The following PARD3B variants were observed in gnomAD, a reference collection of about 807,000 sequenced individuals.
The protein encoded by PARD3B is par-3 family cell polarity regulator beta.
A neutral mutation model predicts 130.2 loss-of-function variants in PARD3B; 103 were observed. The observed-to-expected ratio is 0.79, with a 90% CI of 0.67 to 0.93. PARD3B has a LOEUF of 0.93. Ranked by LOEUF, PARD3B falls within the 40% of genes least tolerant of loss-of-function variation. The pLI, the probability that PARD3B is intolerant of heterozygous loss-of-function variation, is 0.00. For missense variants in PARD3B, 1,609 were observed against 1,499.2 expected, an observed-to-expected ratio of 1.07 and a Z score of -1.21; for synonymous variants, 583 against 553.2, an observed-to-expected ratio of 1.05 and a Z score of -0.76.
chr2:205,037,325 A>T (rs62647517), intron 3 of PARD3B, among the ~76,000 whole-genome samples: 2,185 of 85,484 alleles, frequency 0.026, 22 homozygotes, highest in South Asian at 0.085. Context: ...ATAGTGGACT[A>T]TTTGTATAAA....
intron 20 of PARD3B, among the ~76,000 whole-genome samples, chr2:205,477,274 T>C (rs2049056798): frequency 1.3e-5 from 2 of 152,236 alleles, no homozygotes; most frequent in Non-Finnish European, 2.9e-5. Flanking sequence ...GTGGCTTGTA[T>C]ATTTTTACAG....
chr2:205,430,996 G>A (rs918122848), intron 19 of PARD3B, among the ~76,000 whole-genome samples: 10 of 152,200 alleles, frequency 6.6e-5, no homozygotes, highest in African/African-American at 2.2e-4. Flanking sequence ...GCCTTTGGAA[G>A]TATGTAGGGG....
rs114534720 is a variant in PARD3B at position 205,173,962 on chromosome 2, A to G, written c.1791+1581A>G. On this transcript the variant is annotated intron_variant, in intron 12 of 22. Coordinates refer to ENST00000406610, the MANE Select transcript of PARD3B (RefSeq NM_001302769.2). ...ATCTGCATATCAGATCTCCCTTAAG[A>G]CTTTTTAAACAAAGATACCTCAACT... Among the ~76,000 whole-genome samples the G allele has an allele frequency of 5.3e-3, 800 of 152,272 alleles. 8 individuals are homozygous for G. Among genetic ancestry groups the G allele is most frequent in the African/African-American group, 0.017 (722 of 41,544 alleles).
chr2:204,561,708 G>A (rs1303693900), intron 1 of PARD3B, among the ~76,000 whole-genome samples: 1 of 150,874 alleles, frequency 6.6e-6, no homozygotes, highest in Non-Finnish European at 1.5e-5. Flanking sequence ...TGATTCTCCT[G>A]CCTCAGCCTC....
intron 21 of PARD3B, among the ~76,000 whole-genome samples, chr2:205,520,788 T>C (rs551101709): frequency 5.8e-4 from 88 of 152,156 alleles, no homozygotes; most frequent in African/African-American, 2.1e-3. Context: ...ATTTTGAAAA[T>C]TTCTCATGAC....
chr2:204,876,139 G>A (rs1485889557), intron 2 of PARD3B, among the ~76,000 whole-genome samples: 1 of 152,166 alleles, frequency 6.6e-6, no homozygotes, highest in Non-Finnish European at 1.5e-5. Context: ...AACAGTCAGG[G>A]AGTGGATTAT....
At chr2:205,060,558 T>C (rs1700009521) in intron 4 of PARD3B, among the ~76,000 whole-genome samples, 1 of 152,154 alleles carries the variant, frequency 6.6e-6, no homozygotes, top group South Asian at 2.1e-4. Context: ...TAGTTCTGTG[T>C]CTGGAAAAGG....
intron 16 of PARD3B, among the ~76,000 whole-genome samples, chr2:205,250,600 A>C (rs113237228): frequency 1.3e-5 from 2 of 152,162 alleles, no homozygotes; most frequent in Non-Finnish European, 2.9e-5. Context: ...ATCCTAACAC[A>C]GTTTGATGAA....
chr2:205,060,452 C>T (rs1406521385), intron 4 of PARD3B, among the ~76,000 whole-genome samples: 1 of 152,090 alleles, frequency 6.6e-6, no homozygotes, highest in African/African-American at 2.4e-5. Context: ...AGTTTTAGAA[C>T]AATTTTTTGT....
intron 3 of PARD3B, among the ~76,000 whole-genome samples, chr2:205,045,108 T>G (rs1290350504): frequency 7.0e-6 from 1 of 143,660 alleles, no homozygotes; most frequent in Non-Finnish European, 1.6e-5. Flanking sequence ...CTAGCCATCT[T>G]AAAGTTTTTT....
chr2:204,887,231 A>G lies in PARD3B; in HGVS notation c.223-77921A>G, dbSNP rs1263409973. ...TTAGAATCCATAGTAGTATGTTTCCATCTCAGAACCCACAAATTACCAATT... is the reference window on the plus strand; with the variant it reads ...TTAGAATCCATAGTAGTATGTTTCCGTCTCAGAACCCACAAATTACCAATT... On this transcript the variant is annotated intron_variant, in intron 2 of 22. Coordinates refer to ENST00000406610, the MANE Select transcript of PARD3B (RefSeq NM_001302769.2). This position sits in a 1 kb window ranked among gnomAD's most constrained non-coding sequence, Gnocchi z 4.2. Among the ~76,000 whole-genome samples, 1 of 152,230 alleles carries G rather than the reference A, an allele frequency of 6.6e-6. No individual in the cohort carries two copies. Among genetic ancestry groups the G allele is most frequent in the African/African-American group, 2.4e-5 (1 of 41,470 alleles).
chr2:205,403,680 G>A (rs7599439), intron 19 of PARD3B, among the ~76,000 whole-genome samples: 1,954 of 152,282 alleles, frequency 0.013, 49 homozygotes, highest in African/African-American at 0.044. Flanking sequence ...GGGAGTTGGA[G>A]CCCAGGAATC....
rs2047895134 is a variant in PARD3B, at chr2:205,446,044, G to T, written c.3044+5372G>T. Among the ~76,000 whole-genome samples the T allele has an allele frequency of 6.6e-6, 1 of 152,144 alleles. No individual in the cohort carries two copies. The highest frequency in any genetic ancestry group is 2.4e-5 in the African/African-American group (1 of 41,416). ...GTGAGAACACAGTGTGGAAAGTGCA[G>T]CCGAAGAGTAAGTGCAGGGTACTGT... On this transcript the variant is annotated intron_variant, in intron 20 of 22. Coordinates refer to ENST00000406610, the MANE Select transcript of PARD3B (RefSeq NM_001302769.2). The surrounding 1 kb of genome is among the most constrained non-coding windows in gnomAD (Gnocchi z 4.4).
rs1444493177 is a variant in PARD3B at position 205,619,321 on chromosome 2, T to C, written c.*3508T>C. ...TGCATTCGTTTTCTTTGGAGGAACATTGTAGCATTTCAGGAGGGTCGAGAG... is the reference window on the plus strand; with the variant it reads ...TGCATTCGTTTTCTTTGGAGGAACACTGTAGCATTTCAGGAGGGTCGAGAG... On this transcript the variant is annotated 3_prime_UTR_variant, in exon 23 of 23. Transcript: ENST00000406610. 1 of 152,228 alleles carries C rather than the reference T, an allele frequency of 6.6e-6. No homozygotes were observed. The highest frequency in any genetic ancestry group is 1.9e-4 in the East Asian group (1 of 5,200). The allele number at this position is 152,228 out of a possible 1,614,324, so 9.4% of individuals were successfully genotyped here. A position where few individuals can be genotyped will look rare whatever the true frequency, so the allele number is the denominator to read the frequency against.
chr2:205,436,327 G>C (rs569363850), intron 19 of PARD3B, among the ~76,000 whole-genome samples: 3 of 152,178 alleles, frequency 2.0e-5, no homozygotes, highest in South Asian at 2.1e-4. Flanking sequence ...TTAGTTTGCT[G>C]TTTTCCATTA....
rs190756482 is a variant in PARD3B, at chr2:205,205,110, C to T, written c.2140+11790C>T. On this transcript the variant is annotated intron_variant, in intron 15 of 22. Transcript: ENST00000406610. Reference sequence around the variant, plus strand: ...GGAATGTTTTTCCATTTGTTTGTTTCCCCTCTTATTTCCTTGAGCAGTGGT... The same window carrying T: ...GGAATGTTTTTCCATTTGTTTGTTTTCCCTCTTATTTCCTTGAGCAGTGGT... Among the ~76,000 whole-genome samples, 1,220 of 152,206 alleles carry T rather than the reference C, an allele frequency of 8.0e-3. 19 individuals carry two copies. Among genetic ancestry groups the T allele is most frequent in the African/African-American group, 0.014 (572 of 41,524 alleles).
intron 21 of PARD3B, among the ~76,000 whole-genome samples, chr2:205,522,896 TTATTAATTA>T (rs1433133084): frequency 6.6e-6 from 1 of 152,112 alleles, no homozygotes; most frequent in East Asian, 1.9e-4. Flanking sequence ...TAAAACAATC[TTATTAATTA>T]TATTGTTTTT....
intron 4 of PARD3B, among the ~76,000 whole-genome samples, chr2:205,054,772 G>GT (rs2125436015): frequency 6.6e-6 from 1 of 152,064 alleles, no homozygotes; most frequent in South Asian, 2.1e-4. Flanking sequence ...CATGGTTCCT[G>GT]TCCTCAAGAA....
chr2:205,093,053 G>C (rs1575760427), intron 4 of PARD3B, among the ~76,000 whole-genome samples: 1 of 152,216 alleles, frequency 6.6e-6, no homozygotes, highest in East Asian at 1.9e-4. Flanking sequence ...TCTCTTGCCA[G>C]AGATGCCTCT....
Sources: gnomAD v4.1 joint callset for allele counts (sites outside exome capture counted in the v4.1 genomes callset) on GRCh38, gnomAD v4.1.1 for gene constraint, Gnocchi (gnomAD v3.1) non-coding constraint, MANE v1.5 for transcripts, NCBI Gene and HGNC (gene_info 2026-07-23, HGNC 2026-07-21) for gene names.